The following CASD1 variants were observed in gnomAD, a reference collection of about 807,000 sequenced individuals.
The protein encoded by CASD1 is CAS1 domain sialic acid O acetyltransferase 1, also known as N-acetylneuraminate (7)9-O-acetyltransferase.
In CASD1, 41 loss-of-function variants were observed where a neutral mutation model predicts 100.0. The observed-to-expected ratio is 0.41, with a 90% CI of 0.32 to 0.53. The LOEUF (loss-of-function observed/expected upper bound fraction) is 0.53, where lower values mean the gene tolerates loss of function less well. Among genes scored for constraint, CASD1 ranks in the 20% least tolerant of loss-of-function variants. The pLI is 0.25. For synonymous variants in CASD1, 321 were observed against 315.6 expected (o/e 1.02, Z -0.18); for missense variants, 774 against 948.7 (o/e 0.82, Z 2.42).
Position 94,539,022 on chromosome 7 carries a change from T to C in CASD1, c.1322T>C (p.Val441Ala), listed in dbSNP as rs1795254276. Residue 441 changes from valine (V) to alanine (A), a missense_variant, in exon 10 of 18, where the codon GTG becomes GCG. Physicochemically the swap from Val to Ala is moderately conservative, Grantham distance 64. This residue lies in a region of CASD1 where 453 missense variants were observed against 532.6 expected (regional missense o/e 0.85). Coordinates refer to ENST00000297273, the MANE Select transcript of CASD1 (RefSeq NM_022900.5). The stretch of plus-strand genomic sequence containing the variant: ...GAATGGAAAGGCTGGATGCAACTTG[T>C]GATTTTGATTTATCACATTTCTGGA... ...TDEWKGWMQL[V>A]ILIYHISGAS... 1 of 1,608,518 alleles carries C rather than the reference T, an allele frequency of 6.2e-7. No individual in the cohort carries two copies. The highest frequency in any genetic ancestry group is 1.3e-5 in the African/African-American group (1 of 74,796).
At chr7:94,565,798 C>T in the CASD1 span, among the ~76,000 whole-genome samples, 1 of 152,158 alleles carries the variant, frequency 6.6e-6, no homozygotes, top group Non-Finnish European at 1.5e-5. Context: ...AACTATGTCA[C>T]TTTGGGTTCC....
intron 3 of CASD1, among the ~76,000 whole-genome samples, chr7:94,523,925 C>T (rs965482277): frequency 6.6e-6 from 1 of 151,926 alleles, no homozygotes; most frequent in Non-Finnish European, 1.5e-5. Flanking sequence ...AACAGAAATG[C>T]CATTGATGAT....
intron 5 of CASD1, 34 bp downstream of exon 5, chr7:94,528,284 T>C: frequency 1.4e-6 from 2 of 1,413,864 alleles, no homozygotes; most frequent in Non-Finnish European, 1.9e-6. Flanking sequence ...TTTTTTTTTT[T>C]TTATTTTTAT....
chr7:94,585,519 C>CA, the CASD1 span: 1 of 1,602,248 alleles, frequency 6.2e-7, no homozygotes, highest in Non-Finnish European at 8.6e-7. Context: ...CATTTACCTG[C>CA]AATGTGTAAG....
chr7:94,523,449 G>A (rs1262301171), intron 3 of CASD1, among the ~76,000 whole-genome samples: 4 of 152,084 alleles, frequency 2.6e-5, no homozygotes, highest in Admixed American at 6.5e-5. Context: ...AAAATATACC[G>A]TGTGCAATGG....
At chr7:94,586,060 T>TAAAAAAAAAAAAAAAAAAAAAAAA in the CASD1 span, among the ~76,000 whole-genome samples, 1 of 5,940 alleles carries the variant, frequency 1.7e-4, no homozygotes, top group South Asian at 2.0e-3. Flanking sequence ...AGGAACTAAA[T>TAAAAAAAAAAAAAAAAAAAAAAAA]GAAAAAAAAA....
At chr7:94,551,605 A>C (rs1487780049) in intron 15 of CASD1, 127 bp downstream of exon 15, 10 of 367,124 alleles carry the variant, frequency 2.7e-5, no homozygotes, top group Non-Finnish European at 4.4e-5. Context: ...AATATTTAGA[A>C]ATTTTAATAC....
At chr7:94,572,909 T>C in the CASD1 span, among the ~76,000 whole-genome samples, 3 of 152,180 alleles carry the variant, frequency 2.0e-5, no homozygotes, top group Non-Finnish European at 4.4e-5. Flanking sequence ...ATTTTTTATA[T>C]GGTGTAAGGA....
intron 13 of CASD1, among the ~76,000 whole-genome samples, chr7:94,549,308 A>G (rs779402928): frequency 3.9e-5 from 6 of 151,966 alleles, no homozygotes; most frequent in Non-Finnish European, 7.4e-5. Context: ...GTTTTAAGTC[A>G]TCTTTTTTGG....
intron 5 of CASD1, among the ~76,000 whole-genome samples, chr7:94,531,807 A>G (rs1794865816): frequency 6.6e-6 from 1 of 152,070 alleles, no homozygotes; most frequent in African/African-American, 2.4e-5. Flanking sequence ...TATGATTGCA[A>G]TATCAGGTAT....
the CASD1 span, among the ~76,000 whole-genome samples, chr7:94,615,452 T>C: frequency 6.6e-6 from 1 of 152,086 alleles, no homozygotes; most frequent in African/African-American, 2.4e-5. Flanking sequence ...TTACCATAGA[T>C]AGAGACAATT....
chr7:94,586,494 CTTTTTTCTT>C, the CASD1 span: 9 of 151,974 alleles, frequency 5.9e-5, no homozygotes, highest in East Asian at 9.6e-4. Flanking sequence ...TTTAGGTTTT[CTTTTTTCTT>C]TTTTTTCTTT....
intron 1 of CASD1, among the ~76,000 whole-genome samples, chr7:94,512,257 T>TA (rs574660988): frequency 5.8e-4 from 88 of 152,186 alleles, no homozygotes; most frequent in African/African-American, 2.0e-3. Flanking sequence ...CTGATGAGCT[T>TA]AAAAAAAATT....
chr7:94,516,695 C>A (rs1296399506), intron 1 of CASD1, among the ~76,000 whole-genome samples: 1 of 151,956 alleles, frequency 6.6e-6, no homozygotes, highest in Non-Finnish European at 1.5e-5. Context: ...CTCTTTTAAC[C>A]CCTTTGGTCA....
chr7:94,626,021 T>G, the CASD1 span: 1 of 152,126 alleles, frequency 6.6e-6, no homozygotes, highest in African/African-American at 2.4e-5. Flanking sequence ...TGCAATGCAT[T>G]TTACTGATGG....
the CASD1 span, chr7:94,617,366 A>C: frequency 1.3e-5 from 2 of 152,328 alleles, no homozygotes; most frequent in Admixed American, 6.5e-5. Context: ...AAGCACAACA[A>C]TGAAAAACTC....
chr7:94,590,315 C>T, the CASD1 span, among the ~76,000 whole-genome samples: 3 of 152,142 alleles, frequency 2.0e-5, no homozygotes, highest in African/African-American at 7.2e-5. Flanking sequence ...TATGCATCCT[C>T]ACTCTCTAAG....
chr7:94,561,580 CTG>C (rs571884254), downstream of CASD1, among the ~76,000 whole-genome samples: 3 of 152,040 alleles, frequency 2.0e-5, no homozygotes, highest in Non-Finnish European at 2.9e-5. Flanking sequence ...GCCCATCTGT[CTG>C]TGTGAGAGCA....
downstream of CASD1, among the ~76,000 whole-genome samples, chr7:94,558,886 G>A (rs1183189024): frequency 2.0e-5 from 3 of 151,926 alleles, no homozygotes; most frequent in Non-Finnish European, 1.5e-5. Context: ...TGCAACCTCC[G>A]CCTCCTGGGT....
Sources: gnomAD v4.1 joint callset for allele counts (sites outside exome capture counted in the v4.1 genomes callset) on GRCh38, gnomAD v4.1.1 for gene constraint, gnomAD v4.1.1 regional missense constraint, MANE v1.5 for transcripts, NCBI Gene and HGNC (gene_info 2026-07-23, HGNC 2026-07-21) for gene names.